Variants in COL26A1 observed in about 807,000 individuals in gnomAD.
COL26A1 encodes collagen type XXVI alpha 1 chain, also known as collagen alpha-1(XXVI) chain.
A neutral mutation model predicts 59.3 loss-of-function variants in COL26A1; 41 were observed. That is an observed-to-expected ratio of 0.69 (90% CI 0.54 to 0.90). The LOEUF is 0.90. Ranked by LOEUF, COL26A1 falls within the 40% of genes least tolerant of loss-of-function variation. The pLI is 0.00. For missense variants in COL26A1, 612 were observed against 602.3 expected (o/e 1.02, Z -0.17); for synonymous variants, 266 against 256.0 (o/e 1.04, Z -0.37).
chr7:101,400,351 CT>C (rs1791964451), intron 1 of COL26A1, among the ~76,000 whole-genome samples: 1 of 123,352 alleles, frequency 8.1e-6, no homozygotes, highest in African/African-American at 3.1e-5. Flanking sequence ...CTTTTTTTTC[CT>C]ATTTTTTTTT....
chr7:101,383,827 G>A (rs1212316032), intron 1 of COL26A1, among the ~76,000 whole-genome samples: 2 of 152,100 alleles, frequency 1.3e-5, no homozygotes, highest in African/African-American at 2.4e-5. Flanking sequence ...GAGCCACAGC[G>A]CCCTGCCTAA....
intron 1 of COL26A1, among the ~76,000 whole-genome samples, chr7:101,400,353 A>ATTTTTTTT (rs574852983): frequency 2.1e-5 from 2 of 97,254 alleles, no homozygotes; most frequent in East Asian, 3.1e-4. Context: ...TTTTTTTCCT[A>ATTTTTTTT]TTTTTTTTTT....
chr7:101,407,517 C>T (rs1792154782), intron 1 of COL26A1, among the ~76,000 whole-genome samples: 1 of 151,618 alleles, frequency 6.6e-6, no homozygotes, highest in Admixed American at 6.6e-5. Flanking sequence ...TCACCTTCTG[C>T]TTGTAGGACA....
At chr7:101,521,228 C>G (rs2130610596) in intron 3 of COL26A1, among the ~76,000 whole-genome samples, 1 of 152,330 alleles carries the variant, frequency 6.6e-6, no homozygotes, top group South Asian at 2.1e-4. Flanking sequence ...CCCCATGATC[C>G]AGTCACCTCC....
chr7:101,542,291 CG>C (rs1263864873), intron 5 of COL26A1, among the ~76,000 whole-genome samples: 1 of 152,002 alleles, frequency 6.6e-6, no homozygotes, highest in Non-Finnish European at 1.5e-5. Flanking sequence ...TTAGTAGAGA[CG>C]GGGTTTCACC....
chr7:101,543,477 G>T (rs1795660701), intron 5 of COL26A1, among the ~76,000 whole-genome samples: 1 of 152,180 alleles, frequency 6.6e-6, no homozygotes, highest in South Asian at 2.1e-4. Flanking sequence ...GCCAGAGGGA[G>T]AAAAGGCTGT....
At chr7:101,545,258 G>A (rs1795708095) in intron 6 of COL26A1, 80 bp from the exon 7 acceptor site, 2 of 1,336,684 alleles carry the variant, frequency 1.5e-6, no homozygotes, top group Non-Finnish European at 2.0e-6. Context: ...TTCTTTCAAG[G>A]CCTCAGTTTC....
Position 101,540,064 on chromosome 7 carries a change from C to A in COL26A1, c.604+15C>A. On this transcript the variant is annotated intron_variant, in intron 5 of 12. Transcript: ENST00000313669. The stretch of plus-strand genomic sequence containing the variant: ...GGGCCCAGCCGGTGAGTGAGGGCTG[C>A]AGAGAGGACAGGCTGGGGCAGCCGA... 1 of 1,606,850 alleles carries A rather than the reference C, an allele frequency of 6.2e-7. No individual in the cohort carries two copies. Among genetic ancestry groups the A allele is most frequent in the Non-Finnish European group, 8.5e-7 (1 of 1,177,262 alleles).
At chr7:101,391,556 A>G (rs1791728926) in intron 1 of COL26A1, among the ~76,000 whole-genome samples, 1 of 151,966 alleles carries the variant, frequency 6.6e-6, no homozygotes, top group African/African-American at 2.4e-5. Context: ...TTTGGACCCT[A>G]TTTTTATTAT....
intron 2 of COL26A1, 97 bp from the exon 3 acceptor site, chr7:101,447,587 C>A: frequency 1.2e-6 from 1 of 839,252 alleles, no homozygotes; most frequent in Non-Finnish European, 1.9e-6. Context: ...TCCCGGAGCC[C>A]TGGCTGGGCA....
intron 3 of COL26A1, among the ~76,000 whole-genome samples, chr7:101,524,213 G>A (rs1795194259): frequency 6.6e-6 from 1 of 151,192 alleles, no homozygotes; most frequent in Admixed American, 6.6e-5. Flanking sequence ...AGAGGTTGCA[G>A]TGAGCTAAGA....
Position 101,362,910 on chromosome 7 carries a change from G to T in COL26A1, c.-123G>T. On this transcript the variant is annotated 5_prime_UTR_variant, in exon 1 of 13. Coordinates refer to ENST00000313669, the MANE Select transcript of COL26A1 (RefSeq NM_001278563.3). Reference sequence around the variant, plus strand: ...CATTTCCAGCTCGCACCCGGGCTCCGACCGCTCGCCCCGCTCCTCTCGCTG... The same window carrying T: ...CATTTCCAGCTCGCACCCGGGCTCCTACCGCTCGCCCCGCTCCTCTCGCTG... The T allele has an allele frequency of 4.8e-6, 5 of 1,052,234 alleles. No individual in the cohort carries two copies. The highest frequency in any genetic ancestry group is 6.3e-4 in the Middle Eastern group (2 of 3,150). 65.2% of individuals were successfully genotyped at this position (1,052,234 alleles called of 1,614,324 possible).
rs908747824 is a variant in COL26A1 at position 101,510,898 on chromosome 7, CTTTTT to C, written c.386-22168_386-22164del. ...CTCACTTTTTTCTTTTTCTTTCTTT[CTTTTT>C]TTTTTTTTTTTTTTTGAGACGGAGT... is the stretch of plus-strand genomic sequence containing the variant. On this transcript the variant is annotated intron_variant, in intron 3 of 12. Coordinates refer to ENST00000313669, the MANE Select transcript of COL26A1 (RefSeq NM_001278563.3). Among the ~76,000 whole-genome samples, 5 of 130,924 alleles carry C rather than the reference CTTTTT, an allele frequency of 3.8e-5. No homozygotes were observed. The South Asian group carries it at 9.9e-4, about 26-fold the overall frequency. The allele number at this position is 130,924 out of a possible 152,430, so 85.9% of individuals were successfully genotyped here. A position where few individuals can be genotyped will look rare whatever the true frequency, so the allele number is the denominator to read the frequency against.
At chr7:101,544,366 T>C (rs1462887760) in intron 6 of COL26A1, among the ~76,000 whole-genome samples, 1 of 152,024 alleles carries the variant, frequency 6.6e-6, no homozygotes, top group Non-Finnish European at 1.5e-5. Context: ...TAGCTGGGAT[T>C]ACAGGCATGC....
chr7:101,509,058 G>A (rs1013493355), intron 3 of COL26A1, among the ~76,000 whole-genome samples: 12 of 152,264 alleles, frequency 7.9e-5, no homozygotes, highest in African/African-American at 1.2e-4. Flanking sequence ...CTCAGGAAGC[G>A]TTTACTAGTG....
At chr7:101,402,540 CTTCTTTCTTTCTCTTT>C (rs909334823) in intron 1 of COL26A1, among the ~76,000 whole-genome samples, 8 of 151,560 alleles carry the variant, frequency 5.3e-5, no homozygotes, top group Non-Finnish European at 1.2e-4. Context: ...TCTTTCTTTT[CTTCTTTCTTTCTCTTT>C]TTCTTTCTTT....
At chr7:101,364,662 C>T (rs1791000001) in intron 1 of COL26A1, among the ~76,000 whole-genome samples, 1 of 151,888 alleles carries the variant, frequency 6.6e-6, no homozygotes, top group South Asian at 2.1e-4. Flanking sequence ...CCTGATCTCC[C>T]AGGCTCAAGT....
intron 3 of COL26A1, among the ~76,000 whole-genome samples, chr7:101,504,104 C>CT (rs200019390): frequency 2.6e-5 from 4 of 151,254 alleles, no homozygotes; most frequent in Non-Finnish European, 4.4e-5. Context: ...CCCAACACCT[C>CT]TTTTTTTTTC....
chr7:101,455,041 C>CTTT (rs56039517), intron 3 of COL26A1, among the ~76,000 whole-genome samples: 4 of 134,040 alleles, frequency 3.0e-5, no homozygotes, highest in African/African-American at 5.6e-5. Flanking sequence ...TTTTCTTTAT[C>CTTT]TTTTTTTTTT....
Sources: gnomAD v4.1 joint callset for allele counts (sites outside exome capture counted in the v4.1 genomes callset) on GRCh38, gnomAD v4.1.1 for gene constraint, MANE v1.5 for transcripts, NCBI Gene and HGNC (gene_info 2026-07-23, HGNC 2026-07-21) for gene names.